XYLT1: variants seen among roughly 807,000 people sequenced by gnomAD.
XYLT1 encodes the protein beta-D-xylosyltransferase 1.
In XYLT1, 36 loss-of-function variants were observed where a neutral mutation model predicts 91.3. The ratio of observed to expected loss-of-function variants is 0.39; its 90% CI spans 0.30 to 0.52. The LOEUF is 0.52. XYLT1 is among the 20% of genes least tolerant of loss of function. The probability of loss-of-function intolerance (pLI) is 0.68; values close to 1 mark genes in which losing one functional copy is unlikely to be tolerated. For synonymous variants in XYLT1, 588 were observed against 532.0 expected, an observed-to-expected ratio of 1.11 and a Z score of -1.45; for missense variants, 1,242 against 1,284.5, an observed-to-expected ratio of 0.97 and a Z score of 0.51.
intron 3 of XYLT1, among the ~76,000 whole-genome samples, chr16:17,224,717 T>C (rs1303274267): frequency 6.6e-6 from 1 of 152,214 alleles, no homozygotes; most frequent in Non-Finnish European, 1.5e-5. Context: ...CCCTCTGTTA[T>C]ACACAATTAC....
intron 5 of XYLT1, among the ~76,000 whole-genome samples, chr16:17,165,580 C>G (rs975357502): frequency 2.0e-5 from 3 of 151,994 alleles, no homozygotes; most frequent in Admixed American, 6.6e-5. Context: ...GTAATCCCAG[C>G]TACTCGGAGG....
At chr16:17,466,459 G>A (rs968035254) in intron 1 of XYLT1, among the ~76,000 whole-genome samples, 3 of 152,134 alleles carry the variant, frequency 2.0e-5, no homozygotes, top group Admixed American at 2.0e-4. Flanking sequence ...ACACAATGAC[G>A]CGATGATGTC....
chr16:17,364,549 A>G (rs1020295726), intron 1 of XYLT1, among the ~76,000 whole-genome samples: 1 of 152,202 alleles, frequency 6.6e-6, no homozygotes, highest in African/African-American at 2.4e-5. Context: ...CTAAACCACA[A>G]GTCTTCTGAA....
chr16:17,438,720 C>T (rs2141939544), intron 1 of XYLT1, among the ~76,000 whole-genome samples: 1 of 152,136 alleles, frequency 6.6e-6, no homozygotes, highest in Admixed American at 6.5e-5. Flanking sequence ...GGGAAGCAAG[C>T]ATATGGTGGC....
At chr16:17,360,169 G>A (rs1385331394) in intron 1 of XYLT1, among the ~76,000 whole-genome samples, 3 of 152,188 alleles carry the variant, frequency 2.0e-5, no homozygotes, top group African/African-American at 7.2e-5. Context: ...ACCAGACTGG[G>A]GTGTTGGGTG....
At chr16:17,129,668 C>CAACCCACTAGCAAAG (rs1597138647) in intron 9 of XYLT1, among the ~76,000 whole-genome samples, 1 of 152,254 alleles carries the variant, frequency 6.6e-6, no homozygotes, top group East Asian at 1.9e-4. Context: ...AGCTGTCTCC[C>CAACCCACTAGCAAAG]AACCCACTAG....
At chr16:17,441,131 G>C (rs1351412098) in intron 1 of XYLT1, among the ~76,000 whole-genome samples, 2 of 151,608 alleles carry the variant, frequency 1.3e-5, no homozygotes, top group African/African-American at 2.4e-5. Flanking sequence ...CTCAGCTCAT[G>C]CCTCCGCACT....
chr16:17,441,922 A>G (rs1422982555), intron 1 of XYLT1, among the ~76,000 whole-genome samples: 1 of 152,192 alleles, frequency 6.6e-6, no homozygotes, highest in African/African-American at 2.4e-5. Context: ...TTAATGTATC[A>G]ACTTGATGTG....
rs1306040828 is a variant in XYLT1, at chr16:17,433,868, ACT to A, written c.363+36564_363+36565del. Among the ~76,000 whole-genome samples the A allele has an allele frequency of 2.6e-5, 4 of 152,212 alleles. No individual in the cohort carries two copies. In the East Asian group the frequency reaches 7.7e-4, roughly 29 times the overall value. Reference sequence around the variant, plus strand: ...ACTGGAGAATACAGTAAAATCCTTAACTCTGTTCCCCCACCCCCGCTTTTTTT... The same window carrying A: ...ACTGGAGAATACAGTAAAATCCTTAACTGTTCCCCCACCCCCGCTTTTTTT... On this transcript the variant is annotated intron_variant, in intron 1 of 11. Transcript: ENST00000261381.
intron 5 of XYLT1, among the ~76,000 whole-genome samples, chr16:17,190,968 G>A (rs1274831196): frequency 1.3e-5 from 2 of 152,176 alleles, no homozygotes; most frequent in African/African-American, 4.8e-5. Flanking sequence ...TATCAAGAGT[G>A]CATACTTCAG....
intron 1 of XYLT1, among the ~76,000 whole-genome samples, chr16:17,407,787 C>T (rs2036053126): frequency 6.6e-6 from 1 of 152,220 alleles, no homozygotes; most frequent in African/African-American, 2.4e-5. Flanking sequence ...ATGTGTGTCC[C>T]CTCCAAACCG....
rs1966740326 is a variant in XYLT1 at position 17,103,900 on chromosome 16, A to T, written c.*4795T>A. The T allele has an allele frequency of 6.6e-6, 1 of 152,642 alleles. No homozygotes were observed. Among genetic ancestry groups the T allele is most frequent in the Non-Finnish European group, 1.5e-5 (1 of 68,262 alleles). The allele number at this position is 152,642 out of a possible 1,614,324, so 9.5% of individuals were successfully genotyped here. A position where few individuals can be genotyped will look rare whatever the true frequency, so the allele number is the denominator to read the frequency against. ...GGTCCTATACAGTATCTTGTTTGCA[A>T]GGTAAACACAAAACAAAACAAAACA... On this transcript the variant is annotated 3_prime_UTR_variant, in exon 12 of 12. Coordinates refer to ENST00000261381, the MANE Select transcript of XYLT1 (RefSeq NM_022166.4).
chr16:17,118,272 G>GTGAATGAA (rs1336171969), intron 10 of XYLT1, among the ~76,000 whole-genome samples: 1 of 43,642 alleles, frequency 2.3e-5, no homozygotes, highest in South Asian at 8.2e-4. Flanking sequence ...AGCTGAATGA[G>GTGAATGAA]TGAATGAATG....
chr16:17,279,502 C>T (rs891938137), intron 2 of XYLT1, among the ~76,000 whole-genome samples: 1 of 152,202 alleles, frequency 6.6e-6, no homozygotes, highest in African/African-American at 2.4e-5. Flanking sequence ...CCCTCTCCAA[C>T]ACAGCCCCTT....
rs562069655 is a variant in XYLT1, at chr16:17,267,335, C to T, written c.403-7837G>A. The stretch of plus-strand genomic sequence containing the variant: ...ACAACATTGGGTGAGAGGCTTGATA[C>T]ATGTTAAGCACTCAAGTGGCAGCAG... On this transcript the variant is annotated intron_variant, in intron 2 of 11. Coordinates refer to ENST00000261381, the MANE Select transcript of XYLT1 (RefSeq NM_022166.4). 1.3e-4 allele frequency among the ~76,000 whole-genome samples: 20 copies of T among 152,352 alleles called. 1 individual carries two copies. In the South Asian group the frequency reaches 3.5e-3, roughly 27 times the overall value.
chr16:17,183,201 ATCT>A (rs1477202428), intron 5 of XYLT1, among the ~76,000 whole-genome samples: 1 of 152,164 alleles, frequency 6.6e-6, no homozygotes, highest in Non-Finnish European at 1.5e-5. Context: ...TCTATATGTC[ATCT>A]TACTGGGATG....
intron 2 of XYLT1, among the ~76,000 whole-genome samples, chr16:17,263,770 G>A (rs1328241725): frequency 1.3e-5 from 2 of 151,884 alleles, no homozygotes; most frequent in South Asian, 2.1e-4. Flanking sequence ...GTGCAACGGC[G>A]CCATCTTGGC....
chr16:17,330,331 C>A (rs62030293), intron 2 of XYLT1, among the ~76,000 whole-genome samples: 12,506 of 152,244 alleles, frequency 0.082, 532 homozygotes, highest in Non-Finnish European at 0.1. Flanking sequence ...CCAGAAGGAG[C>A]AGAACAGGTT....
chr16:17,241,684 G>A (rs1227483515), intron 3 of XYLT1, among the ~76,000 whole-genome samples: 4 of 152,352 alleles, frequency 2.6e-5, no homozygotes, highest in African/African-American at 7.2e-5. Context: ...GGAACTTGCT[G>A]CTTCCTTACG....
Sources: allele counts gnomAD v4.1 joint callset (sites outside exome capture counted in the v4.1 genomes callset), GRCh38; gene constraint gnomAD v4.1.1; transcripts MANE v1.5; gene names NCBI Gene and HGNC (gene_info 2026-07-23, HGNC 2026-07-21).